Variants in LAMP5 observed in about 807,000 individuals in gnomAD.
The protein encoded by LAMP5 is lysosome associated membrane protein 5, also known as lysosome-associated membrane glycoprotein 5.
LAMP5 carries 36 observed loss-of-function variants against 30.2 expected under a neutral mutation model. The ratio of observed to expected loss-of-function variants is 1.19; its 90% CI spans 0.91 to 1.57. LAMP5 has a LOEUF of 1.57. Among genes scored for constraint, LAMP5 ranks in the 40% most tolerant of loss-of-function variants. LAMP5 has a pLI of 0.00. For missense variants in LAMP5, 377 were observed against 354.9 expected (o/e 1.06, Z -0.50); for synonymous variants, 149 against 134.6 (o/e 1.11, Z -0.74).
chr20:9,525,151 T>G (rs1301532652), intron 5 of LAMP5, among the ~76,000 whole-genome samples: 2 of 152,358 alleles, frequency 1.3e-5, no homozygotes, highest in African/African-American at 4.8e-5. Context: ...GTCTTTCTCT[T>G]TCTTTACCAT....
chr20:9,519,745 G>A (rs2045067156), intron 5 of LAMP5, among the ~76,000 whole-genome samples: 1 of 152,140 alleles, frequency 6.6e-6, no homozygotes, highest in Non-Finnish European at 1.5e-5. Context: ...TGCCATAAAT[G>A]CTTTTGAGTT....
chr20:9,515,059 G>A (rs542837517), intron 1 of LAMP5, 143 bp downstream of exon 1: 4 of 764,512 alleles, frequency 5.2e-6, no homozygotes, highest in Non-Finnish European at 8.7e-6. Context: ...TTTTAGGGGA[G>A]GAGGGAGGGC....
At position 9,518,153 on chromosome 20, in the gene LAMP5, A is replaced by T. The variant is rs765012076; in HGVS notation, c.589A>T (p.Lys197Ter). The T allele has an allele frequency of 3.5e-5, 56 of 1,614,082 alleles. No homozygotes were observed. The highest frequency in any genetic ancestry group is 4.7e-5 in the Non-Finnish European group (55 of 1,180,034). Residue 197 changes from lysine (K) to a stop codon, truncating the protein, a stop_gained, in exon 5 of 6, where the codon AAG (lysine) becomes TAG (stop). Transcript: ENST00000246070. LOFTEE classifies it high-confidence loss of function. ...TTCACTGGCCTCTAGTGATCCGCAGAAGACGGTCACCATGATCCTGTCTGC... is the reference window on the plus strand; with the variant it reads ...TTCACTGGCCTCTAGTGATCCGCAGTAGACGGTCACCATGATCCTGTCTGC... ...TISLASSDPQKTVTMILSAVH... is the reference protein window; with the variant it reads ...TISLASSDPQ
At chr20:9,524,806 A>T (rs1285293215) in intron 5 of LAMP5, among the ~76,000 whole-genome samples, 1 of 152,216 alleles carries the variant, frequency 6.6e-6, no homozygotes, top group Non-Finnish European at 1.5e-5. Context: ...ACTAAGTAGG[A>T]TGACTGAAAA....
rs202198583 is a variant in LAMP5, at chr20:9,516,148, C to T, written c.369+17C>T. On this transcript the variant is annotated intron_variant, in intron 3 of 5. Coordinates refer to ENST00000246070, the MANE Select transcript of LAMP5 (RefSeq NM_012261.4). ...TTTGTAAAGGTAACTCCGAGCCCAG[C>T]GGGCAGAGGGGCCGCAGGCTCCGCG... 23 of 1,575,078 alleles carry T rather than the reference C, an allele frequency of 1.5e-5. No homozygotes were observed. The East Asian group carries it at 5.2e-4, about 35-fold the overall frequency.
In LAMP5 at chr20:9,514,726, C is replaced by G. The variant is rs2045021120; in HGVS notation, c.-127C>G. ...CTAGGCGCTCACAGAATACGCGCTC[C>G]CTCCCTCCCCCTTCTCTGTCCCCCG... On this transcript the variant is annotated 5_prime_UTR_variant, in exon 1 of 6. Transcript: ENST00000246070. 1 of 770,938 alleles carries G rather than the reference C, an allele frequency of 1.3e-6. No homozygotes were observed. Among genetic ancestry groups the G allele is most frequent in the Admixed American group, 2.4e-5 (1 of 42,194 alleles). 47.8% of individuals were successfully genotyped at this position (770,938 alleles called of 1,614,324 possible). A position where few individuals can be genotyped will look rare whatever the true frequency, so the allele number is the denominator to read the frequency against.
chr20:9,520,129 A>G (rs1325279151), intron 5 of LAMP5, among the ~76,000 whole-genome samples: 2 of 152,236 alleles, frequency 1.3e-5, no homozygotes, highest in Non-Finnish European at 2.9e-5. Context: ...GTAACTACAT[A>G]TAACTTCCTA....
At chr20:9,517,884 C>T (rs1331639844) in intron 4 of LAMP5, among the ~76,000 whole-genome samples, 156 bp from the exon 5 acceptor site, 1 of 152,196 alleles carries the variant, frequency 6.6e-6, no homozygotes, top group Non-Finnish European at 1.5e-5. Context: ...TCCTTCATCA[C>T]CACTTGATGC....
chr20:9,517,893 G>A (rs1384047279), intron 4 of LAMP5, 147 bp from the exon 5 acceptor site: 16 of 594,738 alleles, frequency 2.7e-5, no homozygotes, highest in Non-Finnish European at 3.8e-5. Flanking sequence ...ACCACTTGAT[G>A]CCATTTGTAG....
intron 5 of LAMP5, among the ~76,000 whole-genome samples, chr20:9,529,420 A>G (rs564753946): frequency 1.3e-5 from 2 of 152,364 alleles, no homozygotes; most frequent in South Asian, 4.1e-4. Context: ...CAGGAATCCA[A>G]TAATTACATG....
chr20:9,515,168 T>C (rs536201657), intron 1 of LAMP5, among the ~76,000 whole-genome samples: 4 of 152,242 alleles, frequency 2.6e-5, no homozygotes, highest in Admixed American at 6.5e-5. Flanking sequence ...GGTCAGAGCA[T>C]TGGCAAGAAA....
chr20:9,517,484 G>C (rs549761532), intron 4 of LAMP5, among the ~76,000 whole-genome samples: 20 of 151,940 alleles, frequency 1.3e-4, no homozygotes, highest in Non-Finnish European at 4.4e-5. Context: ...GTCCACCAGG[G>C]TGGAGGGCAG....
Position 9,514,827 on chromosome 20 carries a change from C to A in LAMP5, c.-26C>A, listed in dbSNP as rs1603165754. The A allele has an allele frequency of 6.2e-7, 1 of 1,612,732 alleles. No homozygotes were observed. The highest frequency in any genetic ancestry group is 8.5e-7 in the Non-Finnish European group (1 of 1,178,860). On this transcript the variant is annotated 5_prime_UTR_variant, in exon 1 of 6. Coordinates refer to ENST00000246070, the MANE Select transcript of LAMP5 (RefSeq NM_012261.4). ...TCTGGCGGCCTCTGCAGCAGCACAG[C>A]CGGCCTCATTCGGGGCACTGCGAGT...
At chr20:9,516,404 C>A (rs1568942675) in intron 4 of LAMP5, 43 bp downstream of exon 4, 7 of 1,483,792 alleles carry the variant, frequency 4.7e-6, no homozygotes, top group Non-Finnish European at 6.6e-6. Context: ...CCTGGGAACT[C>A]GCAGAACAGG....
At chr20:9,519,914 A>G (rs2045068179) in intron 5 of LAMP5, among the ~76,000 whole-genome samples, 1 of 152,232 alleles carries the variant, frequency 6.6e-6, no homozygotes, top group Non-Finnish European at 1.5e-5. Context: ...ATAGTTGCCT[A>G]TGGCCTGAGA....
At chr20:9,519,399 T>C (rs2045064842) in intron 5 of LAMP5, among the ~76,000 whole-genome samples, 2 of 152,260 alleles carry the variant, frequency 1.3e-5, no homozygotes, top group Middle Eastern at 3.4e-3. Flanking sequence ...TATTCCAGAA[T>C]AGAATGCACC....
chr20:9,515,890 G>T, intron 2 of LAMP5, 110 bp from the exon 3 acceptor site: 1 of 1,266,840 alleles, frequency 7.9e-7, no homozygotes, highest in Non-Finnish European at 1.1e-6. Flanking sequence ...GGATGCGCGC[G>T]CGCAAAGGAG....
chr20:9,523,758 G>C (rs1395514781), intron 5 of LAMP5, among the ~76,000 whole-genome samples: 1 of 152,042 alleles, frequency 6.6e-6, no homozygotes, highest in East Asian at 1.9e-4. Flanking sequence ...GGAGTCAGGG[G>C]TTCAGGGAGG....
chr20:9,527,155 T>A (rs1392424718), intron 5 of LAMP5, among the ~76,000 whole-genome samples: 1 of 151,932 alleles, frequency 6.6e-6, no homozygotes, highest in East Asian at 1.9e-4. Flanking sequence ...TCCTTTCTGC[T>A]CCACCTTGGG....
Sources: gnomAD v4.1 joint callset for allele counts (sites outside exome capture counted in the v4.1 genomes callset) on GRCh38, gnomAD v4.1.1 for gene constraint, MANE v1.5 for transcripts, NCBI Gene and HGNC (gene_info 2026-07-23, HGNC 2026-07-21) for gene names.